FOXP2: variants seen among roughly 807,000 people sequenced by gnomAD.
FOXP2 encodes the protein forkhead box protein P2.
FOXP2 carries 12 observed loss-of-function variants against 115.8 expected under a neutral mutation model. That is an observed-to-expected ratio of 0.10 (90% CI 0.07 to 0.17). The LOEUF (loss-of-function observed/expected upper bound fraction) is 0.17, where lower values mean the gene tolerates loss of function less well. FOXP2 is among the 10% of genes least tolerant of loss of function. The probability of loss-of-function intolerance (pLI) is 1.00; values close to 1 mark genes in which losing one functional copy is unlikely to be tolerated. For synonymous variants in FOXP2, 328 were observed against 297.7 expected (o/e 1.10, Z -1.05); for missense variants, 629 against 843.5 (o/e 0.75, Z 3.15).
intron 2 of FOXP2, among the ~76,000 whole-genome samples, chr7:114,348,575 TG>T (rs934613873): frequency 8.5e-5 from 13 of 152,108 alleles, no homozygotes; most frequent in African/African-American, 3.1e-4. Context: ...CAGCTGTTTC[TG>T]GTTCTTCTGG....
At position 114,622,300 on chromosome 7, in the gene FOXP2, C is replaced by A. The variant is rs527580720; in HGVS notation, c.259-6240C>A. ...CTCTCTATTCACCACACTTGTCAATCAGTGAGTTGCTGTATCTACAGGAAT... is the reference window on the plus strand; with the variant it reads ...CTCTCTATTCACCACACTTGTCAATAAGTGAGTTGCTGTATCTACAGGAAT... On this transcript the variant is annotated intron_variant, in intron 3 of 16. Transcript: ENST00000350908. Among the ~76,000 whole-genome samples the A allele has an allele frequency of 4.6e-5, 7 of 152,036 alleles. 1 individual carries two copies. The South Asian group carries it at 1.5e-3, about 32-fold the overall frequency.
chr7:114,136,903 A>G (rs1792056318), intron 1 of FOXP2, among the ~76,000 whole-genome samples: 1 of 152,122 alleles, frequency 6.6e-6, no homozygotes, highest in Non-Finnish European at 1.5e-5. Flanking sequence ...TTCCTTAAAG[A>G]TTGTTTATGG....
chr7:114,605,496 A>C (rs1257654458), intron 3 of FOXP2, among the ~76,000 whole-genome samples: 1 of 152,206 alleles, frequency 6.6e-6, no homozygotes. Context: ...AATAATAATA[A>C]AAGACAAAAT....
intron 2 of FOXP2, among the ~76,000 whole-genome samples, chr7:114,520,563 A>G (rs1798573698): frequency 6.6e-6 from 1 of 152,130 alleles, no homozygotes; most frequent in Non-Finnish European, 1.5e-5. Flanking sequence ...GAGTTAGAAA[A>G]TAAATATTAG....
In FOXP2 at chr7:114,328,607, A is replaced by G. The variant is rs576462991; in HGVS notation, c.-11+40498A>G. 2.0e-5 allele frequency among the ~76,000 whole-genome samples: 3 copies of G among 152,332 alleles called. No individual in the cohort carries two copies. The East Asian group carries it at 5.8e-4, about 29-fold the overall frequency. On this transcript the variant is annotated intron_variant, in intron 2 of 17. Transcript: ENST00000634411. ...AACAATAATAATCCTTATAATGGAT[A>G]TTAAAATTTAAGACACTTCAACTAA...
At chr7:114,290,517 A>G (rs1796566367) in intron 2 of FOXP2, among the ~76,000 whole-genome samples, 1 of 152,126 alleles carries the variant, frequency 6.6e-6, no homozygotes, top group Admixed American at 6.6e-5. Flanking sequence ...ATAAATACTT[A>G]TTAAAGATTA....
At chr7:114,244,590 C>A (rs1378946949) in intron 1 of FOXP2, among the ~76,000 whole-genome samples, 1 of 152,098 alleles carries the variant, frequency 6.6e-6, no homozygotes, top group Non-Finnish European at 1.5e-5. Flanking sequence ...AAAGATAGGG[C>A]TTTTCATACA....
intron 1 of FOXP2, among the ~76,000 whole-genome samples, chr7:114,245,051 C>A (rs1255921811): frequency 6.6e-6 from 1 of 152,192 alleles, no homozygotes; most frequent in African/African-American, 2.4e-5. Flanking sequence ...CGCGAGCCAC[C>A]GCGCCCGGCC....
chr7:114,631,602 G>C lies in FOXP2; in HGVS notation c.672G>C (p.Met224Ile), dbSNP rs774304280. ...TCTTCCAGCAGCAGCTTCTCCAGAT[G>C]CAACAACTCCAGCAGCAGCAGCATC... The part of the protein sequence containing the change: ...QLVFQQQLLQ[M>I]QQLQQQQHLL... The change falls in exon 6 of 17, where the codon ATG becomes ATC. Residue 224 changes from methionine to isoleucine, a missense_variant. Met to Ile is a conservative substitution (Grantham distance 10). This residue lies in a region of FOXP2 where 138 missense variants were observed against 205.1 expected (regional missense o/e 0.67). Coordinates refer to ENST00000350908, the MANE Select transcript of FOXP2 (RefSeq NM_014491.4). The C allele has an allele frequency of 6.2e-7, 1 of 1,611,876 alleles. No homozygotes were observed. The highest frequency in any genetic ancestry group is 1.1e-5 in the South Asian group (1 of 90,526).
chr7:114,284,694 A>T (rs1796423190), intron 1 of FOXP2, among the ~76,000 whole-genome samples: 1 of 152,148 alleles, frequency 6.6e-6, no homozygotes, highest in African/African-American at 2.4e-5. Flanking sequence ...CAACACAGCA[A>T]TCCTGTTACT....
At position 114,536,124 on chromosome 7, in the gene FOXP2, T is replaced by G. The variant is rs182295704; in HGVS notation, c.258+1418T>G. 1.3e-4 allele frequency among the ~76,000 whole-genome samples: 20 copies of G among 151,642 alleles called. 1 individual carries two copies. The highest frequency in any genetic ancestry group is 2.7e-4 in the Non-Finnish European group (18 of 67,638). On this transcript the variant is annotated intron_variant, in intron 3 of 16. Transcript: ENST00000350908. ...TAGCAAATGAAATGTTTATCCTCAC[T>G]ATGGCTTCAGAGTGGGAATTTTGCT...
chr7:114,640,241 T>C (rs1009017996), intron 6 of FOXP2, among the ~76,000 whole-genome samples: 9 of 152,222 alleles, frequency 5.9e-5, no homozygotes, highest in African/African-American at 2.2e-4. Context: ...GCAATAATTA[T>C]AGATCTTTAT....
intron 2 of FOXP2, among the ~76,000 whole-genome samples, chr7:114,328,366 A>G (rs1405367831): frequency 2.0e-5 from 3 of 150,594 alleles, no homozygotes; most frequent in Non-Finnish European, 4.4e-5. Context: ...CCTCCCAAGT[A>G]GCTGGGACTA....
chr7:114,458,403 GAA>G (rs529254803), intron 2 of FOXP2, among the ~76,000 whole-genome samples: 3 of 147,990 alleles, frequency 2.0e-5, no homozygotes, highest in African/African-American at 5.0e-5. Flanking sequence ...AGGCAGGAAG[GAA>G]AAAAAAAATC....
chr7:114,427,570 T>G (rs868560982), intron 2 of FOXP2, among the ~76,000 whole-genome samples: 30 of 151,718 alleles, frequency 2.0e-4, no homozygotes, highest in South Asian at 4.1e-4. Context: ...TAAATATTAT[T>G]TCTTTGTAAC....
intron 1 of FOXP2, among the ~76,000 whole-genome samples, chr7:114,146,931 CTTG>C (rs1424177993): frequency 6.6e-6 from 1 of 152,174 alleles, no homozygotes; most frequent in African/African-American, 2.4e-5. Context: ...CTCATTGTTA[CTTG>C]TTGTGGTAAC....
intron 1 of FOXP2, among the ~76,000 whole-genome samples, chr7:114,215,084 A>C (rs1794452514): frequency 6.6e-6 from 1 of 152,156 alleles, no homozygotes. Flanking sequence ...TAAATGTAGG[A>C]GGCACCTTAT....
intron 1 of FOXP2, among the ~76,000 whole-genome samples, chr7:114,136,208 C>G (rs766245846): frequency 6.6e-6 from 1 of 152,078 alleles, no homozygotes; most frequent in Non-Finnish European, 1.5e-5. Context: ...CTTCTATCCT[C>G]TACTCTAAAA....
intron 11 of FOXP2, 108 bp from the exon 12 acceptor site, chr7:114,659,248 G>T: frequency 6.2e-6 from 5 of 807,516 alleles, no homozygotes; most frequent in Non-Finnish European, 1.1e-5. Flanking sequence ...TCACTAGTCG[G>T]TGGCTTCCTC....
Sources: gnomAD v4.1 joint callset for allele counts (sites outside exome capture counted in the v4.1 genomes callset) on GRCh38, gnomAD v4.1.1 for gene constraint, gnomAD v4.1.1 regional missense constraint, MANE v1.5 for transcripts, NCBI Gene and HGNC (gene_info 2026-07-23, HGNC 2026-07-21) for gene names.